Variants in PRIM2 observed in about 807,000 individuals in gnomAD.
PRIM2 encodes the protein DNA primase subunit 2, also known as DNA primase large subunit.
PRIM2 carries 39 observed loss-of-function variants against 67.3 expected under a neutral mutation model. The observed-to-expected ratio is 0.58, with a 90% confidence interval of 0.45 to 0.76. The LOEUF (loss-of-function observed/expected upper bound fraction) is 0.76. Ranked by LOEUF, PRIM2 falls within the 30% of genes least tolerant of loss-of-function variation. The probability of loss-of-function intolerance (pLI) is 0.00; values close to 1 mark genes in which losing one functional copy is unlikely to be tolerated. For synonymous variants in PRIM2, 143 were observed against 198.7 expected, an observed-to-expected ratio of 0.72 and a Z score of 2.36; for missense variants, 398 against 598.7, an observed-to-expected ratio of 0.66 and a Z score of 3.50.
the PRIM2 span, among the ~76,000 whole-genome samples, chr6:57,306,559 C>T: frequency 8.5e-5 from 13 of 152,236 alleles, no homozygotes; most frequent in South Asian, 4.2e-4. Flanking sequence ...TGTCAGGGTT[C>T]GCTCCCTTCC....
intron 7 of PRIM2, among the ~76,000 whole-genome samples, chr6:57,468,112 C>T (rs1359908619): frequency 6.6e-6 from 1 of 152,122 alleles, no homozygotes; most frequent in Non-Finnish European, 1.5e-5. Flanking sequence ...TATTTGAATA[C>T]CCTTTATTTC....
Position 57,334,638 on chromosome 6 carries a change from C to T in PRIM2, c.459+8593C>T, listed in dbSNP as rs9475848. On this transcript the variant is annotated intron_variant, in intron 5 of 13. Transcript: ENST00000615550. ...ATGATCTGTAGCCCACCCTGGGCTA[C>T]AGAACAAGACCCTGTCTCTCAAAGA... 9.2e-3 allele frequency among the ~76,000 whole-genome samples: 1,393 copies of T among 152,114 alleles called. 18 individuals carry two copies. Among genetic ancestry groups the T allele is most frequent in the African/African-American group, 0.032 (1,308 of 41,478 alleles).
intron 5 of PRIM2, among the ~76,000 whole-genome samples, chr6:57,336,982 A>G (rs1768276766): frequency 2.0e-5 from 3 of 152,188 alleles, no homozygotes; most frequent in Non-Finnish European, 4.4e-5. Context: ...GTGCAGAGAC[A>G]CACATAGCCT....
At chr6:57,610,915 C>T in intron 12 of PRIM2, among the ~76,000 whole-genome samples, 1 of 152,172 alleles carries the variant, frequency 6.6e-6, no homozygotes, top group Non-Finnish European at 1.5e-5. Context: ...GAAATAGTAA[C>T]CCAGGTAGAT....
At chr6:57,341,899 G>C (rs534291758) in intron 5 of PRIM2, among the ~76,000 whole-genome samples, 1 of 152,308 alleles carries the variant, frequency 6.6e-6, no homozygotes, top group Admixed American at 6.5e-5. Context: ...ACATGTCTTT[G>C]AGTCAACCTG....
At chr6:57,497,034 C>A (rs1554346438) in intron 7 of PRIM2, among the ~76,000 whole-genome samples, 2 of 152,078 alleles carry the variant, frequency 1.3e-5, no homozygotes, top group Non-Finnish European at 2.9e-5. Context: ...GCTAACTATA[C>A]TAAGGAATAG....
At chr6:57,236,700 AT>A in the PRIM2 span, among the ~76,000 whole-genome samples, 3 of 152,220 alleles carry the variant, frequency 2.0e-5, no homozygotes, top group South Asian at 4.1e-4. Context: ...TTTGCTGAGA[AT>A]GATGGTTTCC....
At chr6:57,625,416 C>T (rs1310867734) in intron 12 of PRIM2, among the ~76,000 whole-genome samples, 2 of 152,116 alleles carry the variant, frequency 1.3e-5, no homozygotes, top group Non-Finnish European at 2.9e-5. Flanking sequence ...AGAAAACCCC[C>T]GATCATCACT....
At chr6:57,568,059 C>G (rs1281240792) in intron 10 of PRIM2, among the ~76,000 whole-genome samples, 10,527 of 151,800 alleles carry the variant, frequency 0.069, 526 homozygotes, top group East Asian at 0.21. Flanking sequence ...CCTGAGCTGT[C>G]AAAAAGTATC....
the PRIM2 span, among the ~76,000 whole-genome samples, chr6:57,251,235 A>G: frequency 6.6e-6 from 1 of 152,344 alleles, no homozygotes; most frequent in East Asian, 1.9e-4. Flanking sequence ...TTTTAAAAAA[A>G]TCATACTTTT....
the PRIM2 span, among the ~76,000 whole-genome samples, chr6:57,243,443 A>G: frequency 1.3e-5 from 2 of 152,256 alleles, no homozygotes; most frequent in East Asian, 3.9e-4. Context: ...TGAGAAGGTT[A>G]AATCCTGTTT....
At chr6:57,542,288 C>CA (rs1775177185) in intron 10 of PRIM2, among the ~76,000 whole-genome samples, 8 of 152,066 alleles carry the variant, frequency 5.3e-5, no homozygotes, top group Non-Finnish European at 7.4e-5. Flanking sequence ...GGCTGGTGAG[C>CA]TGGGTTGTTT....
chr6:57,365,698 G>A (rs1285246590), intron 5 of PRIM2, among the ~76,000 whole-genome samples: 4 of 152,098 alleles, frequency 2.6e-5, no homozygotes, highest in Admixed American at 2.6e-4. Flanking sequence ...GGTAGCTCGC[G>A]CCTGTGATCC....
chr6:57,536,985 G>A (rs1220796658), intron 9 of PRIM2, among the ~76,000 whole-genome samples: 1 of 152,114 alleles, frequency 6.6e-6, no homozygotes, highest in African/African-American at 2.4e-5. Context: ...AAGTGCATGA[G>A]TACAACTGAG....
chr6:57,332,627 G>A (rs1768090453), intron 5 of PRIM2, among the ~76,000 whole-genome samples: 1 of 151,992 alleles, frequency 6.6e-6, no homozygotes. Context: ...TTCCTCTCTA[G>A]TAACATTTTT....
intron 4 of PRIM2, 42 bp from the exon 5 acceptor site, chr6:57,325,883 T>C: frequency 2.0e-6 from 3 of 1,519,668 alleles, no homozygotes; most frequent in Non-Finnish European, 1.8e-6. Flanking sequence ...TAATAATTAC[T>C]GGATTTTTAG....
At chr6:57,448,170 A>G (rs1772425516) in intron 7 of PRIM2, among the ~76,000 whole-genome samples, 1 of 152,204 alleles carries the variant, frequency 6.6e-6, no homozygotes, top group South Asian at 2.1e-4. Context: ...TTCCAGAGAA[A>G]TGTTATTAAG....
At chr6:57,272,606 G>C in the PRIM2 span, among the ~76,000 whole-genome samples, 1 of 152,260 alleles carries the variant, frequency 6.6e-6, no homozygotes, top group South Asian at 2.1e-4. Flanking sequence ...TCTTTTAATT[G>C]AGGCATTTAG....
At chr6:57,309,514 C>T in the PRIM2 span, among the ~76,000 whole-genome samples, 9 of 152,136 alleles carry the variant, frequency 5.9e-5, no homozygotes, top group South Asian at 1.7e-3. Context: ...TGTATATGTG[C>T]CACATTTTCT....
Sources: gnomAD v4.1 joint callset for allele counts (sites outside exome capture counted in the v4.1 genomes callset) on GRCh38, gnomAD v4.1.1 for gene constraint, MANE v1.5 for transcripts, NCBI Gene and HGNC (gene_info 2026-07-23, HGNC 2026-07-21) for gene names.